Variants in CNTN1 observed in about 807,000 individuals in gnomAD.
The protein encoded by CNTN1 is contactin 1.
CNTN1 carries 38 observed loss-of-function variants against 126.4 expected under a neutral mutation model. The observed-to-expected ratio is 0.30, with a 90% CI of 0.23 to 0.39. The LOEUF (loss-of-function observed/expected upper bound fraction) is 0.39. CNTN1 is among the 10% of genes least tolerant of loss of function. The pLI is 1.00. For synonymous variants in CNTN1, 413 were observed against 422.6 expected, an observed-to-expected ratio of 0.98 and a Z score of 0.28; for missense variants, 1,009 against 1,248.4, an observed-to-expected ratio of 0.81 and a Z score of 2.89.
At chr12:40,950,896 A>T (rs1566021335) in intron 14 of CNTN1, among the ~76,000 whole-genome samples, 1 of 151,892 alleles carries the variant, frequency 6.6e-6, no homozygotes, top group Non-Finnish European at 1.5e-5. Context: ...GTTGATAAGA[A>T]TGCCAGGTGA....
intron 1 of CNTN1, among the ~76,000 whole-genome samples, chr12:40,905,727 TCTAA>T (rs1944784619): frequency 6.6e-6 from 1 of 152,212 alleles, no homozygotes; most frequent in Admixed American, 6.5e-5. Flanking sequence ...GTTTGCTTTT[TCTAA>T]CTTTCTCTTC....
intron 19 of CNTN1, 31 bp from the exon 20 acceptor site, chr12:41,020,306 C>A: frequency 7.4e-7 from 1 of 1,354,944 alleles, no homozygotes; most frequent in Middle Eastern, 1.8e-4. Context: ...AAATATCTCA[C>A]TAATAATATA....
At chr12:40,958,673 A>G (rs1303581473) in intron 14 of CNTN1, among the ~76,000 whole-genome samples, 1 of 152,054 alleles carries the variant, frequency 6.6e-6, no homozygotes, top group East Asian at 1.9e-4. Context: ...TTGTAAAATG[A>G]ACTGTGGCAC....
chr12:40,941,607 T>C (rs1398743205), intron 12 of CNTN1, among the ~76,000 whole-genome samples: 2 of 152,140 alleles, frequency 1.3e-5, no homozygotes, highest in African/African-American at 4.8e-5. Flanking sequence ...CAGAATTTCT[T>C]TGTAATTAGC....
At chr12:40,947,778 T>C (rs201917125) in intron 14 of CNTN1, among the ~76,000 whole-genome samples, 2 of 65,360 alleles carry the variant, frequency 3.1e-5, no homozygotes, top group Admixed American at 1.9e-4. Context: ...TATATATATA[T>C]ATATACACAC....
At chr12:41,011,124 A>G (rs203896) in intron 17 of CNTN1, among the ~76,000 whole-genome samples, 39,586 of 152,092 alleles carry the variant, frequency 0.26, 5,571 homozygotes, top group African/African-American at 0.37. Flanking sequence ...TATCAGGATC[A>G]TCAGAAAATT....
At chr12:40,825,282 G>A (rs1341727636) in intron 1 of CNTN1, among the ~76,000 whole-genome samples, 1 of 152,066 alleles carries the variant, frequency 6.6e-6, no homozygotes, top group African/African-American at 2.4e-5. Flanking sequence ...ATCTTTGGTA[G>A]GATGCATTCT....
chr12:40,800,606 T>C (rs1484144607), intron 1 of CNTN1, among the ~76,000 whole-genome samples: 2 of 151,964 alleles, frequency 1.3e-5, no homozygotes, highest in Non-Finnish European at 2.9e-5. Context: ...AAGTGACGGC[T>C]TAATCATTGA....
At chr12:40,895,755 A>ATTTTTTTTT (rs35784846) in intron 1 of CNTN1, among the ~76,000 whole-genome samples, 2 of 121,728 alleles carry the variant, frequency 1.6e-5, no homozygotes, top group African/African-American at 6.3e-5. Flanking sequence ...GTGCTTCAAG[A>ATTTTTTTTT]TTTTTTTTTT....
intron 1 of CNTN1, among the ~76,000 whole-genome samples, chr12:40,894,856 G>A (rs1944352485): frequency 6.6e-6 from 1 of 152,076 alleles, no homozygotes; most frequent in Non-Finnish European, 1.5e-5. Flanking sequence ...AGAGAATTTG[G>A]TCCATATAAA....
At chr12:40,991,664 C>G (rs1489673613) in intron 16 of CNTN1, among the ~76,000 whole-genome samples, 1 of 152,100 alleles carries the variant, frequency 6.6e-6, no homozygotes, top group Non-Finnish European at 1.5e-5. Flanking sequence ...GCCGTCTCTA[C>G]TACAAATACA....
intron 23 of CNTN1, among the ~76,000 whole-genome samples, chr12:41,036,828 T>G (rs1364418520): frequency 6.6e-6 from 1 of 152,192 alleles, no homozygotes; most frequent in Non-Finnish European, 1.5e-5. Flanking sequence ...GAATGACTTT[T>G]TAAAGGCTTG....
chr12:40,766,090 G>T (rs1939072857), intron 1 of CNTN1, among the ~76,000 whole-genome samples: 1 of 152,172 alleles, frequency 6.6e-6, no homozygotes, highest in South Asian at 2.1e-4. Flanking sequence ...GGGCACGGTG[G>T]CTCACGCCTG....
At chr12:40,783,885 CAT>C (rs1939899970) in intron 1 of CNTN1, among the ~76,000 whole-genome samples, 1 of 152,066 alleles carries the variant, frequency 6.6e-6, no homozygotes, top group African/African-American at 2.4e-5. Context: ...ATATGTGTAA[CAT>C]AGTTACAAAT....
chr12:40,833,149 C>G (rs1220546800), intron 1 of CNTN1, among the ~76,000 whole-genome samples: 1 of 151,932 alleles, frequency 6.6e-6, no homozygotes, highest in East Asian at 1.9e-4. Context: ...TCCTGGAGTG[C>G]AATGGTGCAA....
rs1459939735 is a variant in CNTN1, at chr12:40,968,547, CT to C, written c.1804+9318del. On this transcript the variant is annotated intron_variant, in intron 15 of 23. Coordinates refer to ENST00000551295, the MANE Select transcript of CNTN1 (RefSeq NM_001843.4). ...TGAAATTTTGATGTGTGTTTTCCTG[CT>C]TTTTAAAATAATGTATAATTCATAC... Among the ~76,000 whole-genome samples the C allele has an allele frequency of 2.0e-5, 3 of 152,040 alleles. No homozygotes were observed. The East Asian group carries it at 5.8e-4, about 29-fold the overall frequency.
At chr12:41,002,068 T>G (rs1045084251) in intron 17 of CNTN1, among the ~76,000 whole-genome samples, 3 of 152,196 alleles carry the variant, frequency 2.0e-5, no homozygotes, top group Non-Finnish European at 4.4e-5. Context: ...TGCCTCCAGC[T>G]TTGTCCTTTT....
In CNTN1 at chr12:40,933,861, C is replaced by A; in HGVS notation, c.968C>A (p.Ala323Glu). 1 of 1,611,114 alleles carries A rather than the reference C, an allele frequency of 6.2e-7. No homozygotes were observed. Among genetic ancestry groups the A allele is most frequent in the Non-Finnish European group, 8.5e-7 (1 of 1,177,834 alleles). ...ENIRGKDKHQ[A>E]RIYVQAFPEW... Reference sequence around the variant, plus strand: ...ATTAGAGGAAAGGATAAACATCAAGCAAGAATTTATGTTCAAGGTAGATAC... The same window carrying A: ...ATTAGAGGAAAGGATAAACATCAAGAAAGAATTTATGTTCAAGGTAGATAC... The change falls in exon 9 of 24, where the codon GCA becomes GAA. Residue 323 changes from alanine to glutamate, a missense_variant. Transcript: ENST00000551295.
intron 1 of CNTN1, among the ~76,000 whole-genome samples, chr12:40,698,360 C>T (rs549883149): frequency 6.6e-6 from 1 of 151,028 alleles, no homozygotes; most frequent in African/African-American, 2.4e-5. Flanking sequence ...CTCAGCCTCC[C>T]GAGTAGCTGG....
Sources: allele counts gnomAD v4.1 joint callset (sites outside exome capture counted in the v4.1 genomes callset), GRCh38; gene constraint gnomAD v4.1.1; transcripts MANE v1.5; gene names NCBI Gene and HGNC (gene_info 2026-07-23, HGNC 2026-07-21).